TRPM8: variants seen among roughly 807,000 people sequenced by gnomAD.
TRPM8 encodes TRPM8 cationic channel.
In TRPM8, 110 loss-of-function variants were observed where a neutral mutation model predicts 133.7. The ratio of observed to expected loss-of-function variants is 0.82; its 90% CI spans 0.70 to 0.96. The LOEUF (loss-of-function observed/expected upper bound fraction) is 0.96. TRPM8 is among the 40% of genes least tolerant of loss of function. The probability of loss-of-function intolerance (pLI) is 0.00; values close to 1 mark genes in which losing one functional copy is unlikely to be tolerated. For missense variants in TRPM8, 1,291 were observed against 1,379.5 expected, an observed-to-expected ratio of 0.94 and a Z score of 1.02; for synonymous variants, 535 against 532.3, an observed-to-expected ratio of 1.01 and a Z score of -0.07.
At chr2:233,938,727 T>G (rs1255456646) in intron 4 of TRPM8, among the ~76,000 whole-genome samples, 1 of 151,878 alleles carries the variant, frequency 6.6e-6, no homozygotes, top group South Asian at 2.1e-4. Flanking sequence ...GAGGGGTGAC[T>G]TTGAATACGG....
intron 14 of TRPM8, 21 bp downstream of exon 14, chr2:233,964,778 G>GCTGTGGTGA: frequency 6.3e-7 from 1 of 1,589,472 alleles, no homozygotes; most frequent in Non-Finnish European, 8.6e-7. Context: ...AGTGTGGAAT[G>GCTGTGGTGA]CTGTGGTGGG....
chr2:233,934,827 A>G (rs1391876221), intron 3 of TRPM8, among the ~76,000 whole-genome samples: 1 of 152,260 alleles, frequency 6.6e-6, no homozygotes, highest in Non-Finnish European at 1.5e-5. Context: ...AAATTTGCCC[A>G]TAAAGCAACT....
chr2:234,004,544 C>A (rs75668105), intron 22 of TRPM8, among the ~76,000 whole-genome samples: 2 of 152,270 alleles, frequency 1.3e-5, no homozygotes, highest in East Asian at 3.9e-4. Flanking sequence ...GAGAAAAATG[C>A]GAGATTTTTC....
chr2:233,980,012 A>G (rs1379802172), intron 17 of TRPM8, 176 bp from the exon 18 acceptor site: 1 of 602,854 alleles, frequency 1.7e-6, no homozygotes, highest in Non-Finnish European at 2.9e-6. Flanking sequence ...CTACTTTCCA[A>G]TCCTCCTGGA....
intron 22 of TRPM8, among the ~76,000 whole-genome samples, chr2:234,005,250 C>T (rs149623400): frequency 2.3e-4 from 35 of 152,264 alleles, no homozygotes; most frequent in African/African-American, 7.7e-4. Flanking sequence ...AGACCTATTT[C>T]TCCACATTCT....
chr2:233,935,935 G>A (rs1285968855), intron 3 of TRPM8, among the ~76,000 whole-genome samples: 1 of 152,142 alleles, frequency 6.6e-6, no homozygotes, highest in African/African-American at 2.4e-5. Context: ...CATAGAATGT[G>A]TTTTTAGATT....
At chr2:233,975,616 C>G (rs1197647308) in intron 17 of TRPM8, among the ~76,000 whole-genome samples, 1 of 152,232 alleles carries the variant, frequency 6.6e-6, no homozygotes, top group Non-Finnish European at 1.5e-5. Context: ...CACGGTGGCT[C>G]CCGCCTGCAA....
At chr2:233,992,970 C>T (rs13034437) in intron 21 of TRPM8, among the ~76,000 whole-genome samples, 21,428 of 152,146 alleles carry the variant, frequency 0.14, 1,931 homozygotes, top group Middle Eastern at 0.22. Context: ...GTGGAAGCAT[C>T]GCTCCATTAG....
chr2:233,952,553 G>A (rs570503067), intron 9 of TRPM8, among the ~76,000 whole-genome samples: 1 of 152,110 alleles, frequency 6.6e-6, no homozygotes, highest in African/African-American at 2.4e-5. Flanking sequence ...CGTGAGGGTG[G>A]GAATGGTGAG....
At chr2:233,931,145 T>C (rs939559489) in intron 3 of TRPM8, among the ~76,000 whole-genome samples, 2 of 152,204 alleles carry the variant, frequency 1.3e-5, no homozygotes, top group Non-Finnish European at 2.9e-5. Flanking sequence ...CTTTAGGTCT[T>C]TCCTTCTAAT....
At chr2:234,011,644 C>T (rs765473108) in intron 24 of TRPM8, among the ~76,000 whole-genome samples, 59 of 152,102 alleles carry the variant, frequency 3.9e-4, no homozygotes, top group African/African-American at 1.3e-3. Context: ...CCTGGCCGGG[C>T]GCAGTGGTTC....
intron 3 of TRPM8, among the ~76,000 whole-genome samples, chr2:233,932,880 T>C (rs1691708231): frequency 6.7e-6 from 1 of 150,244 alleles, no homozygotes; most frequent in Admixed American, 6.7e-5. Flanking sequence ...ATTAATTTTA[T>C]TGATACCCTG....
intron 14 of TRPM8, among the ~76,000 whole-genome samples, chr2:233,966,390 C>A (rs1478758842): frequency 6.6e-6 from 1 of 152,176 alleles, no homozygotes; most frequent in Non-Finnish European, 1.5e-5. Context: ...GTTATTGTCA[C>A]CTGCTGCCAT....
chr2:233,930,557 G>T, intron 2 of TRPM8, 111 bp from the exon 3 acceptor site: 1 of 703,224 alleles, frequency 1.4e-6, no homozygotes, highest in East Asian at 2.8e-5. Flanking sequence ...TGAATATGTG[G>T]TAAATTCTTA....
At chr2:234,016,594 T>C (rs762618181) in intron 25 of TRPM8, among the ~76,000 whole-genome samples, 1 of 152,180 alleles carries the variant, frequency 6.6e-6, no homozygotes, top group East Asian at 1.9e-4. Context: ...GGGGCAAGCC[T>C]GTACCAATTC....
Position 233,922,678 on chromosome 2 carries a change from T to C in TRPM8, c.-5-3855T>C, listed in dbSNP as rs28946906. Among the ~76,000 whole-genome samples, 680 of 152,324 alleles carry C rather than the reference T, an allele frequency of 4.5e-3. 5 individuals carry two copies. Among genetic ancestry groups the C allele is most frequent in the African/African-American group, 0.016 (651 of 41,570 alleles). ...TTGTTCCCCATTCCTGAGTGTGTCT[T>C]TCTACTGCCCTCACAGCTGAATTGA... On this transcript the variant is annotated intron_variant, in intron 1 of 25. Transcript: ENST00000324695.
At chr2:233,953,371 C>T (rs907154168) in intron 9 of TRPM8, among the ~76,000 whole-genome samples, 1 of 152,148 alleles carries the variant, frequency 6.6e-6, no homozygotes, top group Non-Finnish European at 1.5e-5. Context: ...GCTGGGCTCG[C>T]CAGTGCTTGT....
intron 9 of TRPM8, among the ~76,000 whole-genome samples, chr2:233,950,636 C>T (rs540322773): frequency 7.2e-5 from 11 of 152,196 alleles, no homozygotes; most frequent in East Asian, 3.8e-4. Context: ...CTGGGCTAGA[C>T]GTGGCAGCTG....
chr2:234,016,297 T>C (rs11563054), intron 25 of TRPM8, among the ~76,000 whole-genome samples: 5,896 of 152,262 alleles, frequency 0.039, 230 homozygotes, highest in Admixed American at 0.083. Flanking sequence ...GAACCACTGG[T>C]GGCCTCAGAG....
Sources: allele counts gnomAD v4.1 joint callset (sites outside exome capture counted in the v4.1 genomes callset), GRCh38; gene constraint gnomAD v4.1.1; transcripts MANE v1.5; gene names NCBI Gene and HGNC (gene_info 2026-07-23, HGNC 2026-07-21).